KCNQ5: variants seen among roughly 807,000 people sequenced by gnomAD.
The protein encoded by KCNQ5 is potassium voltage-gated channel subfamily Q member 5.
KCNQ5 carries 30 observed loss-of-function variants against 98.2 expected under a neutral mutation model. The ratio of observed to expected loss-of-function variants is 0.31; its 90% CI spans 0.23 to 0.41. The LOEUF (loss-of-function observed/expected upper bound fraction) is 0.41. Among genes scored for constraint, KCNQ5 ranks in the 10% least tolerant of loss-of-function variants. KCNQ5 has a pLI of 1.00. For synonymous variants in KCNQ5, 458 were observed against 449.4 expected, an observed-to-expected ratio of 1.02 and a Z score of -0.24; for missense variants, 835 against 1,182.5, an observed-to-expected ratio of 0.71 and a Z score of 4.31.
At chr6:73,033,713 A>G (rs1473855494) in intron 2 of KCNQ5, among the ~76,000 whole-genome samples, 1 of 151,484 alleles carries the variant, frequency 6.6e-6, no homozygotes, top group African/African-American at 2.4e-5. Context: ...TCCCACTTCT[A>G]TGACCCCCTT....
intron 5 of KCNQ5, among the ~76,000 whole-genome samples, chr6:73,081,840 AT>A (rs2150395791): frequency 6.6e-6 from 1 of 152,272 alleles, no homozygotes; most frequent in Admixed American, 6.5e-5. Flanking sequence ...TAAAAAAAAA[AT>A]CAAGAAAAGT....
chr6:73,046,387 AT>A (rs1295003524), intron 3 of KCNQ5, among the ~76,000 whole-genome samples: 1 of 152,098 alleles, frequency 6.6e-6, no homozygotes, highest in African/African-American at 2.4e-5. Context: ...CTTCCATGTG[AT>A]TAACTGGACC....
In KCNQ5 at chr6:73,197,840, C is replaced by T. The variant is rs559886541; in HGVS notation, c.*2426C>T. 2 of 152,466 alleles carry T rather than the reference C, an allele frequency of 1.3e-5. No individual in the cohort carries two copies. The highest frequency in any genetic ancestry group is 3.9e-4 in the East Asian group (2 of 5,188). 9.4% of individuals were successfully genotyped at this position (152,466 alleles called of 1,614,324 possible). On this transcript the variant is annotated 3_prime_UTR_variant, in exon 14 of 14. Coordinates refer to ENST00000370398, the MANE Select transcript of KCNQ5 (RefSeq NM_019842.4). ...TCCTTAGGCCTCGTTAAGTCTCAAA[C>T]ACAGTACAGCTCACCCAGCATTGCT...
At chr6:72,771,807 G>C (rs1250786861) in intron 1 of KCNQ5, among the ~76,000 whole-genome samples, 1 of 152,024 alleles carries the variant, frequency 6.6e-6, no homozygotes, top group Admixed American at 6.6e-5. Context: ...ATTTTGATAA[G>C]AGATTTATGT....
chr6:73,043,615 C>A (rs1373581399), intron 3 of KCNQ5, among the ~76,000 whole-genome samples: 1 of 152,142 alleles, frequency 6.6e-6, no homozygotes, highest in Admixed American at 6.6e-5. Flanking sequence ...CCATAAGGGG[C>A]CCAAACAAAA....
chr6:72,856,125 A>G (rs1029512349), intron 1 of KCNQ5, among the ~76,000 whole-genome samples: 5 of 152,168 alleles, frequency 3.3e-5, no homozygotes, highest in East Asian at 3.8e-4. Flanking sequence ...TGTTGTTTCT[A>G]TCATTGACTT....
chr6:72,809,445 A>G (rs1775129583), intron 1 of KCNQ5, among the ~76,000 whole-genome samples: 1 of 152,116 alleles, frequency 6.6e-6, no homozygotes, highest in East Asian at 1.9e-4. Context: ...CCAGCTACTC[A>G]GGAGGCTGAG....
intron 5 of KCNQ5, among the ~76,000 whole-genome samples, chr6:73,078,209 G>C (rs1773613217): frequency 1.3e-5 from 2 of 151,562 alleles, no homozygotes; most frequent in African/African-American, 2.4e-5. Context: ...TAACTTTGTG[G>C]AGCACAAATT....
intron 4 of KCNQ5, 48 bp from the exon 5 acceptor site, chr6:73,077,714 T>C (rs370261367): frequency 6.5e-7 from 1 of 1,548,352 alleles, no homozygotes; most frequent in Non-Finnish European, 8.8e-7. Flanking sequence ...TTTTTCCTTT[T>C]TCAAAGATTT....
intron 1 of KCNQ5, among the ~76,000 whole-genome samples, chr6:72,794,446 T>C (rs1478447135): frequency 1.3e-5 from 2 of 152,206 alleles, no homozygotes; most frequent in Non-Finnish European, 2.9e-5. Flanking sequence ...TGTGTCAGAA[T>C]TGGTTACTAA....
intron 13 of KCNQ5, 40 bp downstream of exon 13, chr6:73,192,731 T>A: frequency 6.7e-7 from 1 of 1,500,892 alleles, no homozygotes; most frequent in Non-Finnish European, 8.9e-7. Context: ...TAGCCAGAAT[T>A]TTTTTAATCA....
At chr6:72,823,336 G>A (rs141667452) in intron 1 of KCNQ5, among the ~76,000 whole-genome samples, 8 of 152,056 alleles carry the variant, frequency 5.3e-5, no homozygotes, top group Admixed American at 3.3e-4. Context: ...CCAAATTGTG[G>A]TTTGCTGACT....
intron 1 of KCNQ5, among the ~76,000 whole-genome samples, chr6:72,870,443 G>T (rs564680290): frequency 2.0e-5 from 3 of 151,892 alleles, no homozygotes; most frequent in Non-Finnish European, 4.4e-5. Context: ...TAGACATGGG[G>T]TTTCGCCATG....
intron 1 of KCNQ5, among the ~76,000 whole-genome samples, chr6:72,732,850 C>G (rs960044633): frequency 6.6e-6 from 1 of 151,806 alleles, no homozygotes; most frequent in Non-Finnish European, 1.5e-5. Context: ...GTCCTTAAGG[C>G]GGGAGAAGGG....
intron 1 of KCNQ5, among the ~76,000 whole-genome samples, chr6:72,959,254 A>C (rs536335488): frequency 1.8e-4 from 27 of 152,320 alleles, no homozygotes; most frequent in African/African-American, 6.5e-4. Context: ...GTGCCTGGGA[A>C]TCTGCCCAGG....
At chr6:72,948,657 T>C (rs1372563975) in intron 1 of KCNQ5, among the ~76,000 whole-genome samples, 1 of 152,040 alleles carries the variant, frequency 6.6e-6, no homozygotes, top group African/African-American at 2.4e-5. Context: ...CCTTAAGTTA[T>C]TTTCTATATA....
At chr6:72,898,022 T>C (rs1382257972) in intron 1 of KCNQ5, among the ~76,000 whole-genome samples, 2 of 152,200 alleles carry the variant, frequency 1.3e-5, no homozygotes, top group Non-Finnish European at 2.9e-5. Context: ...ATGACAGATG[T>C]AGAACTTCAA....
chr6:73,140,192 G>T (rs1324578155), intron 10 of KCNQ5, among the ~76,000 whole-genome samples: 1 of 151,872 alleles, frequency 6.6e-6, no homozygotes, highest in Non-Finnish European at 1.5e-5. Context: ...CAGACTATCA[G>T]TATTTTCTAT....
At chr6:73,137,587 G>A (rs1002906009) in intron 10 of KCNQ5, among the ~76,000 whole-genome samples, 2 of 151,948 alleles carry the variant, frequency 1.3e-5, no homozygotes, top group South Asian at 2.1e-4. Flanking sequence ...ATGATAAAAC[G>A]AACATGTATT....
Sources: allele counts gnomAD v4.1 joint callset (sites outside exome capture counted in the v4.1 genomes callset), GRCh38; gene constraint gnomAD v4.1.1; transcripts MANE v1.5; gene names NCBI Gene and HGNC (gene_info 2026-07-23, HGNC 2026-07-21).